Variants in TNPO3 observed in about 807,000 individuals in gnomAD.
TNPO3 encodes the protein transportin-3.
TNPO3 carries 65 observed loss-of-function variants against 122.8 expected under a neutral mutation model. The observed-to-expected ratio is 0.53, with a 90% CI of 0.43 to 0.65. TNPO3 has a LOEUF of 0.65. Ranked by LOEUF, TNPO3 falls within the 30% of genes least tolerant of loss-of-function variation. The pLI is 0.00. For synonymous variants in TNPO3, 372 were observed against 411.2 expected, an observed-to-expected ratio of 0.90 and a Z score of 1.15; for missense variants, 850 against 1,136.7, an observed-to-expected ratio of 0.75 and a Z score of 3.63.
intron 18 of TNPO3, among the ~76,000 whole-genome samples, chr7:128,972,864 T>C (rs1331388607): frequency 1.3e-5 from 2 of 152,070 alleles, no homozygotes; most frequent in African/African-American, 4.8e-5. Flanking sequence ...TGGGTGATAA[T>C]GATGTGTTCA....
At chr7:128,998,838 G>T (rs772633386) in intron 7 of TNPO3, among the ~76,000 whole-genome samples, 12 of 151,902 alleles carry the variant, frequency 7.9e-5, no homozygotes, top group Non-Finnish European at 1.5e-4. Context: ...TGCCCAGCCA[G>T]AAGTCTTTTT....
intron 2 of TNPO3, 83 bp from the exon 3 acceptor site, chr7:129,017,139 T>C (rs1803940784): frequency 1.5e-6 from 2 of 1,326,630 alleles, no homozygotes; most frequent in East Asian, 4.6e-5. Flanking sequence ...CAAAGAAACA[T>C]TTCTTCCAAA....
chr7:128,984,561 T>C (rs556114998), intron 12 of TNPO3, among the ~76,000 whole-genome samples: 7 of 152,238 alleles, frequency 4.6e-5, no homozygotes, highest in African/African-American at 1.4e-4. Context: ...TATACCATAG[T>C]GTAATGTTTC....
At chr7:128,979,204 A>C in intron 15 of TNPO3, 81 bp from the exon 16 acceptor site, 1 of 1,549,992 alleles carries the variant, frequency 6.5e-7, no homozygotes, top group Non-Finnish European at 8.8e-7. Flanking sequence ...GTAACACCTC[A>C]TTTAGCTTTT....
chr7:128,964,451 T>C (rs1165828534), intron 21 of TNPO3, among the ~76,000 whole-genome samples: 1 of 148,378 alleles, frequency 6.7e-6, no homozygotes, highest in Non-Finnish European at 1.5e-5. Flanking sequence ...TTCTCCTGCC[T>C]CAGCCTCCAG....
chr7:129,031,563 C>A (rs1367423119), intron 1 of TNPO3, among the ~76,000 whole-genome samples: 1 of 152,038 alleles, frequency 6.6e-6, no homozygotes, highest in Non-Finnish European at 1.5e-5. Flanking sequence ...AAAAACTTCC[C>A]AATGAAGAAA....
chr7:128,978,587 GT>G (rs1799315237), intron 16 of TNPO3, among the ~76,000 whole-genome samples: 1 of 152,060 alleles, frequency 6.6e-6, no homozygotes, highest in African/African-American at 2.4e-5. Context: ...TCTTTCAAGT[GT>G]TTTTTTAGTT....
intron 9 of TNPO3, among the ~76,000 whole-genome samples, chr7:128,992,368 A>T (rs1412044300): frequency 6.6e-6 from 1 of 152,192 alleles, no homozygotes; most frequent in Non-Finnish European, 1.5e-5. Flanking sequence ...AAAACACAGT[A>T]TATGAGTGTC....
At chr7:129,041,761 C>T (rs574176373) in intron 1 of TNPO3, 508 of 984,968 alleles carry the variant, frequency 5.2e-4, no homozygotes, top group Non-Finnish European at 5.8e-4. Flanking sequence ...TAATTCCAAT[C>T]TTCCATTTCA....
intron 12 of TNPO3, among the ~76,000 whole-genome samples, chr7:128,984,606 AAG>A (rs1299522829): frequency 2.6e-5 from 4 of 152,232 alleles, no homozygotes; most frequent in African/African-American, 9.6e-5. Flanking sequence ...TAGTGGGTCA[AAG>A]AGAGTCTTTA....
Position 128,986,246 on chromosome 7 carries a change from A to G in TNPO3, c.1690+483T>C, listed in dbSNP as rs530247561. 1.1e-4 allele frequency among the ~76,000 whole-genome samples: 16 copies of G among 152,348 alleles called. No homozygotes were observed. The East Asian group carries it at 2.9e-3, about 28-fold the overall frequency. On this transcript the variant is annotated intron_variant, in intron 12 of 22. Transcript: ENST00000265388. ...AGTTCTTCTATTAAGTCCGAGCCTC[A>G]TCACAATGGCTGTTTGCCTCTGGAT...
intron 1 of TNPO3, among the ~76,000 whole-genome samples, chr7:129,026,109 G>A (rs1489629557): frequency 7.3e-6 from 1 of 137,826 alleles, no homozygotes; most frequent in African/African-American, 2.8e-5. Flanking sequence ...CTGGGCGGCA[G>A]AGTGAGACTC....
chr7:128,964,498 G>T (rs1336642430), intron 21 of TNPO3, among the ~76,000 whole-genome samples: 1 of 152,016 alleles, frequency 6.6e-6, no homozygotes, highest in East Asian at 1.9e-4. Flanking sequence ...ACCACGCCCG[G>T]CTAATTTTTT....
chr7:128,972,328 A>G, intron 19 of TNPO3, 98 bp downstream of exon 19: 1 of 1,348,350 alleles, frequency 7.4e-7, no homozygotes. Flanking sequence ...ATATAGATCA[A>G]GTAAGGAAAT....
rs190531187 is a variant in TNPO3, at chr7:129,003,202, G to A, written c.696+1814C>T. Among the ~76,000 whole-genome samples the A allele has an allele frequency of 5.8e-4, 88 of 151,476 alleles. 1 individual carries two copies. The highest frequency in any genetic ancestry group is 2.2e-3 in the Admixed American group (33 of 15,212). ...TGTGCCACTGCACTCCAGCCTGGGC[G>A]ACAGAGGGAGGAGACTCTGTCTCAA... On this transcript the variant is annotated intron_variant, in intron 5 of 22. Transcript: ENST00000265388.
chr7:128,978,338 G>A (rs1432056991), intron 16 of TNPO3, among the ~76,000 whole-genome samples: 2 of 152,170 alleles, frequency 1.3e-5, no homozygotes, highest in Non-Finnish European at 2.9e-5. Flanking sequence ...CTGTGGCCAA[G>A]ATTGAAGAAA....
intron 1 of TNPO3, among the ~76,000 whole-genome samples, chr7:129,051,249 C>T (rs527479458): frequency 6.6e-6 from 1 of 150,414 alleles, no homozygotes; most frequent in Non-Finnish European, 1.5e-5. Context: ...ATAAAGATTT[C>T]AAAAAAAACT....
chr7:129,008,528 C>G (rs1802832045), intron 4 of TNPO3, among the ~76,000 whole-genome samples: 1 of 151,954 alleles, frequency 6.6e-6, no homozygotes. Flanking sequence ...GGATGCCAGG[C>G]ACTAAAATGG....
chr7:128,996,699 C>T lies in TNPO3; in HGVS notation c.1158+690G>A, dbSNP rs550666473. On this transcript the variant is annotated intron_variant, in intron 8 of 22. Coordinates refer to ENST00000265388, the MANE Select transcript of TNPO3 (RefSeq NM_012470.4). ...CAGAGTTTGCAGTGAGCAGAGATCACGCCACTGCACTCCAGCCTGGGTGAC... is the reference window on the plus strand; with the variant it reads ...CAGAGTTTGCAGTGAGCAGAGATCATGCCACTGCACTCCAGCCTGGGTGAC... Among the ~76,000 whole-genome samples, 24 of 140,286 alleles carry T rather than the reference C, an allele frequency of 1.7e-4. 1 individual carries two copies. Among genetic ancestry groups the T allele is most frequent in the Middle Eastern group, 4.1e-3 (1 of 244 alleles). 92.0% of individuals were successfully genotyped at this position (140,286 alleles called of 152,430 possible).
Sources: gnomAD v4.1 joint callset for allele counts (sites outside exome capture counted in the v4.1 genomes callset) on GRCh38, gnomAD v4.1.1 for gene constraint, MANE v1.5 for transcripts, NCBI Gene and HGNC (gene_info 2026-07-23, HGNC 2026-07-21) for gene names.